Variants in CCR5AS observed in about 807,000 individuals in gnomAD.
CCR5AS encodes CCR5 antisense RNA.
At chr3:46,382,566 C>G (rs1475068121) in intron 2 of CCR5AS, among the ~76,000 whole-genome samples, 2 of 152,182 alleles carry the variant, frequency 1.3e-5, no homozygotes, top group Admixed American at 1.3e-4. Flanking sequence ...TTACTAATAG[C>G]AACCTGACAG....
At chr3:46,405,187 T>A (rs1702033972) in intron 1 of CCR5AS, among the ~76,000 whole-genome samples, 1 of 152,212 alleles carries the variant, frequency 6.6e-6, no homozygotes. Context: ...ATAGGCAGAA[T>A]GCTGGGAATC....
At chr3:46,389,178 C>T (rs574276967) in intron 2 of CCR5AS, among the ~76,000 whole-genome samples, 3 of 152,216 alleles carry the variant, frequency 2.0e-5, no homozygotes, top group Admixed American at 2.0e-4. Flanking sequence ...ATGTATTAGG[C>T]TCATAAGGGT....
At chr3:46,379,728 T>C (rs1701799809) in intron 2 of CCR5AS, among the ~76,000 whole-genome samples, 1 of 151,852 alleles carries the variant, frequency 6.6e-6, no homozygotes, top group Non-Finnish European at 1.5e-5. Context: ...AACCCCTGCC[T>C]CTACTAAAAA....
intron 2 of CCR5AS, among the ~76,000 whole-genome samples, chr3:46,382,164 C>T (rs1463315760): frequency 6.6e-6 from 1 of 152,220 alleles, no homozygotes; most frequent in Non-Finnish European, 1.5e-5. Context: ...AACATGGATT[C>T]TCCATCTTCC....
chr3:46,372,967 A>C lies in CCR5AS; in HGVS notation n.392-1550T>G, dbSNP rs776432250. 8.7e-6 allele frequency: 14 copies of C among 1,613,360 alleles called. No individual in the cohort carries two copies. In the South Asian group the frequency reaches 1.2e-4, roughly 14 times the overall value. ...TATTATACATCGGAGCCCTGCCAAAAAATCAATGTGAAGCAAATCGCAGCC... is the reference window on the plus strand; with the variant it reads ...TATTATACATCGGAGCCCTGCCAAACAATCAATGTGAAGCAAATCGCAGCC... On this transcript the variant is annotated intron_variant and non_coding_transcript_variant, in intron 2 of 3. Transcript: ENST00000451485.
At chr3:46,398,391 T>C (rs112905888) in intron 1 of CCR5AS, among the ~76,000 whole-genome samples, 47,598 of 152,088 alleles carry the variant, frequency 0.31, 9,355 homozygotes, top group African/African-American at 0.56. Flanking sequence ...ATGGATCACC[T>C]TGAGTGATAG....
intron 2 of CCR5AS, among the ~76,000 whole-genome samples, chr3:46,376,426 A>G (rs1478688245): frequency 2.0e-5 from 3 of 152,190 alleles, no homozygotes; most frequent in Non-Finnish European, 4.4e-5. Context: ...TTGTATTTAG[A>G]GATGGTACCT....
At chr3:46,373,289 TG>T in intron 2 of CCR5AS, 1 of 1,614,194 alleles carries the variant, frequency 6.2e-7, no homozygotes, top group Non-Finnish European at 8.5e-7. Context: ...GGTACCTGGC[TG>T]TCGTCCATGC....
downstream of CCR5AS, among the ~76,000 whole-genome samples, chr3:46,364,104 T>C (rs1701578509): frequency 6.6e-6 from 1 of 152,194 alleles, no homozygotes; most frequent in South Asian, 2.1e-4. Flanking sequence ...AGATAATTGA[T>C]GAAAGTGTCT....
At chr3:46,375,092 G>A (rs574954754) in intron 2 of CCR5AS, 2 of 167,286 alleles carry the variant, frequency 1.2e-5, no homozygotes, top group African/African-American at 2.4e-5. Flanking sequence ...TTTAGGTCAA[G>A]AAGAAGATGG....
At chr3:46,368,073 C>A (rs574498732) in intron 3 of CCR5AS, among the ~76,000 whole-genome samples, 1 of 151,992 alleles carries the variant, frequency 6.6e-6, no homozygotes, top group South Asian at 2.1e-4. Flanking sequence ...ATCCTGTTGA[C>A]GATGCTCTGA....
At chr3:46,393,772 C>T (rs1241922381) in intron 1 of CCR5AS, among the ~76,000 whole-genome samples, 1 of 152,214 alleles carries the variant, frequency 6.6e-6, no homozygotes, top group Non-Finnish European at 1.5e-5. Flanking sequence ...TTCCAGGCCC[C>T]ATGCTGGGCT....
At chr3:46,377,205 A>G (rs916677745) in intron 2 of CCR5AS, among the ~76,000 whole-genome samples, 8 of 152,164 alleles carry the variant, frequency 5.3e-5, no homozygotes, top group African/African-American at 1.9e-4. Context: ...CAACGTTAGC[A>G]CGAAGAAAAG....
In CCR5AS at chr3:46,385,560, G is replaced by C. The variant is rs527599556; in HGVS notation, n.391+7265C>G. 1.8e-3 allele frequency among the ~76,000 whole-genome samples: 272 copies of C among 152,128 alleles called. 2 individuals are homozygous for C. Among genetic ancestry groups the C allele is most frequent in the African/African-American group, 6.1e-3 (255 of 41,500 alleles). On this transcript the variant is annotated intron_variant and non_coding_transcript_variant, in intron 2 of 3. Coordinates refer to ENST00000451485, the Ensembl canonical transcript of CCR5AS. ...CCATTTCCTGGAACACTCATGTTTG[G>C]TGTAAAAATGGGTGGCACCACAGCT...
chr3:46,401,783 AATTTAATTAATAATATATTTATTT>A (rs1213710380), intron 1 of CCR5AS, among the ~76,000 whole-genome samples: 8 of 148,916 alleles, frequency 5.4e-5, no homozygotes, highest in Non-Finnish European at 1.2e-4. Context: ...TTAATTTATT[AATTTAATTAATAATATATTTATTT>A]ATTTATTATT....
intron 1 of CCR5AS, among the ~76,000 whole-genome samples, chr3:46,405,230 T>A (rs11574428): frequency 0.12 from 18,471 of 152,098 alleles, 1,273 homozygotes; most frequent in Non-Finnish European, 0.15. Context: ...AAAGTGAAGG[T>A]CATGCTAATA....
chr3:46,373,219 G>T, intron 2 of CCR5AS: 2 of 1,614,070 alleles, frequency 1.2e-6, no homozygotes, highest in Non-Finnish European at 1.7e-6. Context: ...CTCTTGACAG[G>T]GCTCTATTTT....
chr3:46,394,683 A>T (rs1288546897), intron 1 of CCR5AS, among the ~76,000 whole-genome samples: 1 of 152,214 alleles, frequency 6.6e-6, no homozygotes, highest in Non-Finnish European at 1.5e-5. Context: ...GGTCTCTCAC[A>T]CAGGAGAAAT....
intron 1 of CCR5AS, among the ~76,000 whole-genome samples, chr3:46,403,823 T>A (rs1190656895): frequency 6.6e-6 from 1 of 152,220 alleles, no homozygotes; most frequent in Non-Finnish European, 1.5e-5. Context: ...AGGAAGCCAC[T>A]GTCGTGGTGT....
Sources: gnomAD v4.1 joint callset for allele counts (sites outside exome capture counted in the v4.1 genomes callset) on GRCh38, gnomAD v4.1.1 for gene constraint, MANE v1.5 for transcripts, NCBI Gene and HGNC (gene_info 2026-07-23, HGNC 2026-07-21) for gene names.